The following PIAS1 variants were observed in gnomAD, a reference collection of about 807,000 sequenced individuals.
PIAS1 encodes the protein E3 SUMO-protein ligase PIAS1.
In PIAS1, 6 loss-of-function variants were observed where a neutral mutation model predicts 71.3. The ratio of observed to expected loss-of-function variants is 0.08; its 90% CI spans 0.05 to 0.17. PIAS1 has a LOEUF of 0.17. PIAS1 is among the 10% of genes least tolerant of loss of function. The pLI, the probability that PIAS1 is intolerant of heterozygous loss-of-function variation, is 1.00. For missense variants in PIAS1, 555 were observed against 793.6 expected, an observed-to-expected ratio of 0.70 and a Z score of 3.61; for synonymous variants, 303 against 292.9, an observed-to-expected ratio of 1.03 and a Z score of -0.35.
At chr15:68,109,748 T>C (rs2092505900) in intron 2 of PIAS1, among the ~76,000 whole-genome samples, 1 of 152,210 alleles carries the variant, frequency 6.6e-6, no homozygotes, top group African/African-American at 2.4e-5. Flanking sequence ...CTTTTTGGCC[T>C]AGACTTGAAA....
At chr15:68,151,044 CAA>C (rs1381374302) in intron 6 of PIAS1, among the ~76,000 whole-genome samples, 1 of 148,956 alleles carries the variant, frequency 6.7e-6, no homozygotes, top group Non-Finnish European at 1.5e-5. Context: ...AAGCAATAAA[CAA>C]AACTATCAGT....
intron 1 of PIAS1, among the ~76,000 whole-genome samples, chr15:68,068,893 CTTTT>C (rs11298983): frequency 6.5e-5 from 5 of 76,608 alleles, no homozygotes; most frequent in Admixed American, 1.5e-4. Flanking sequence ...TGTTTTTGTC[CTTTT>C]TTTTTTTTTT....
chr15:68,161,688 T>C (rs2092925659), intron 7 of PIAS1, among the ~76,000 whole-genome samples: 1 of 152,042 alleles, frequency 6.6e-6, no homozygotes. Context: ...CCCAATACTT[T>C]GGGAGGCCAA....
At chr15:68,158,416 T>C (rs79148182) in intron 7 of PIAS1, among the ~76,000 whole-genome samples, 4,439 of 152,242 alleles carry the variant, frequency 0.029, 245 homozygotes, top group African/African-American at 0.1. Context: ...TGTTTCACTT[T>C]TTTCCAGGAG....
intron 8 of PIAS1, among the ~76,000 whole-genome samples, chr15:68,168,077 C>T (rs2092968061): frequency 6.6e-6 from 1 of 151,722 alleles, no homozygotes; most frequent in Admixed American, 6.6e-5. Context: ...GGTGTGATCT[C>T]AGCTCACTGC....
chr15:68,089,140 T>C (rs1344031444), intron 2 of PIAS1, among the ~76,000 whole-genome samples: 1 of 152,244 alleles, frequency 6.6e-6, no homozygotes, highest in African/African-American at 2.4e-5. Context: ...AATGTTTTTA[T>C]GCATGGTTTT....
intron 2 of PIAS1, among the ~76,000 whole-genome samples, chr15:68,120,650 T>A (rs533329625): frequency 5.6e-4 from 85 of 152,200 alleles, no homozygotes; most frequent in African/African-American, 1.9e-3. Flanking sequence ...TACGTCCATG[T>A]AAGTTTGTTG....
intron 8 of PIAS1, among the ~76,000 whole-genome samples, chr15:68,166,658 A>T (rs1281026476): frequency 2.6e-5 from 4 of 152,210 alleles, no homozygotes; most frequent in African/African-American, 9.6e-5. Flanking sequence ...GTACTAATAT[A>T]TATGATGCTT....
At chr15:68,148,479 A>G (rs1293418500) in intron 6 of PIAS1, among the ~76,000 whole-genome samples, 1 of 151,796 alleles carries the variant, frequency 6.6e-6, no homozygotes, top group African/African-American at 2.4e-5. Context: ...GCCAGGCTGG[A>G]GTACAGTGGC....
intron 2 of PIAS1, among the ~76,000 whole-genome samples, chr15:68,118,337 T>A (rs893995891): frequency 6.9e-6 from 1 of 145,030 alleles, no homozygotes; most frequent in Admixed American, 6.9e-5. Flanking sequence ...AAAAAAAAAA[T>A]AATAATAAAT....
intron 1 of PIAS1, among the ~76,000 whole-genome samples, chr15:68,076,312 C>A (rs1299841729): frequency 6.6e-6 from 1 of 152,096 alleles, no homozygotes; most frequent in East Asian, 1.9e-4. Flanking sequence ...TTGAGACCAT[C>A]CTGGCTGACA....
At position 68,065,915 on chromosome 15, in the gene PIAS1, C is replaced by CTTTTTTTTT. The variant is rs869104577; in HGVS notation, c.24+11585_24+11593dup. Among the ~76,000 whole-genome samples the CTTTTTTTTT allele has an allele frequency of 4.2e-3, 167 of 40,174 alleles. 34 individuals are homozygous for CTTTTTTTTT. The highest frequency in any genetic ancestry group is 0.017 in the African/African-American group (125 of 7,532). 26.4% of individuals were successfully genotyped at this position (40,174 alleles called of 152,430 possible). The stretch of plus-strand genomic sequence containing the variant: ...GCCACCATGCTCAGCTGACTAAAAG[C>CTTTTTTTTT]TTTTTTTTTTTTTTTTTTTTTTTTT... On this transcript the variant is annotated intron_variant, in intron 1 of 13. Transcript: ENST00000249636.
chr15:68,146,686 G>T lies in PIAS1; in HGVS notation c.814G>T (p.Ala272Ser). The T allele has an allele frequency of 1.9e-6, 3 of 1,607,072 alleles. No homozygotes were observed. The highest frequency in any genetic ancestry group is 2.6e-6 in the Non-Finnish European group (3 of 1,175,744). ...VPNTIVVSWT[A>S]EIGRNYSMAV... is the part of the protein sequence containing the mutation. ...AAACACGATTGTTGTTTCTTGGACT[G>T]CAGAAATTGGAAGAGTAAGTAAATT... The change falls in exon 6 of 14, where the codon GCA (alanine) becomes TCA (serine). Residue 272 changes from alanine (A) to serine (S), a missense_variant. Physicochemically the swap from Ala to Ser is moderately conservative, Grantham distance 99. Coordinates refer to ENST00000249636, the MANE Select transcript of PIAS1 (RefSeq NM_016166.3).
chr15:68,084,324 A>G (rs1438911612), intron 1 of PIAS1, among the ~76,000 whole-genome samples: 5 of 152,238 alleles, frequency 3.3e-5, no homozygotes, highest in African/African-American at 7.2e-5. Flanking sequence ...TTGAAGTTTC[A>G]TGTTATTTAT....
intron 8 of PIAS1, among the ~76,000 whole-genome samples, chr15:68,166,351 AT>A (rs955309154): frequency 5.5e-5 from 8 of 146,122 alleles, no homozygotes; most frequent in African/African-American, 1.3e-4. Flanking sequence ...TTGTTTTTTT[AT>A]TTTTTTTTTC....
In PIAS1 at chr15:68,192,162, T is replaced by G. The variant is rs1468047974; in HGVS notation, c.*4327T>G. ...AATCTTTGGTATTCCAGGTTGGCTGTGCAGGATTTACTTCCTAATGTCCAT... is the reference window on the plus strand; with the variant it reads ...AATCTTTGGTATTCCAGGTTGGCTGGGCAGGATTTACTTCCTAATGTCCAT... On this transcript the variant is annotated 3_prime_UTR_variant, in exon 14 of 14. Coordinates refer to ENST00000249636, the MANE Select transcript of PIAS1 (RefSeq NM_016166.3). 1 of 152,188 alleles carries G rather than the reference T, an allele frequency of 6.6e-6. No homozygotes were observed. The highest frequency in any genetic ancestry group is 1.5e-5 in the Non-Finnish European group (1 of 68,036). The allele number at this position is 152,188 out of a possible 1,614,324, so 9.4% of individuals were successfully genotyped here.
intron 2 of PIAS1, among the ~76,000 whole-genome samples, chr15:68,102,121 T>G (rs2092432199): frequency 6.6e-6 from 1 of 152,240 alleles, no homozygotes; most frequent in Non-Finnish European, 1.5e-5. Context: ...CATTTAAATC[T>G]GTGATCCATT....
chr15:68,176,853 T>TC (rs1162974969), intron 11 of PIAS1, among the ~76,000 whole-genome samples, 199 bp downstream of exon 11: 1 of 152,140 alleles, frequency 6.6e-6, no homozygotes, highest in African/African-American at 2.4e-5. Flanking sequence ...GATATAGTAT[T>TC]CTTCATATCA....
chr15:68,070,046 G>A (rs1048699262), intron 1 of PIAS1, among the ~76,000 whole-genome samples: 1 of 152,168 alleles, frequency 6.6e-6, no homozygotes. Flanking sequence ...TTGGAGGAAG[G>A]AGATGTGGGA....
Sources: allele counts gnomAD v4.1 joint callset (sites outside exome capture counted in the v4.1 genomes callset), GRCh38; gene constraint gnomAD v4.1.1; transcripts MANE v1.5; gene names NCBI Gene and HGNC (gene_info 2026-07-23, HGNC 2026-07-21).